CLIC5: variants seen among roughly 807,000 people sequenced by gnomAD.
The protein encoded by CLIC5 is chloride intracellular channel protein 5.
CLIC5 carries 20 observed loss-of-function variants against 24.7 expected under a neutral mutation model. That is an observed-to-expected ratio of 0.81 (90% CI 0.57 to 1.18). CLIC5 has a LOEUF of 1.18. Among genes scored for constraint, CLIC5 ranks in the 50% most tolerant of loss-of-function variants. The probability of loss-of-function intolerance (pLI) is 0.00; values close to 1 mark genes in which losing one functional copy is unlikely to be tolerated. For synonymous variants in CLIC5, 159 were observed against 135.6 expected, an observed-to-expected ratio of 1.17 and a Z score of -1.20; for missense variants, 341 against 326.1, an observed-to-expected ratio of 1.05 and a Z score of -0.35.
At chr6:45,898,039 T>C (rs1475071757), downstream of CLIC5, among the ~76,000 whole-genome samples, 5 of 152,286 alleles carry the variant, frequency 3.3e-5, no homozygotes, top group Non-Finnish European at 5.9e-5. Context: ...TTCTTCTTCC[T>C]CTTTTCCATT....
rs1279631129 is a variant in CLIC5 at position 45,898,736 on chromosome 6, C to G, written c.*4352G>C. On this transcript the variant is annotated 3_prime_UTR_variant, in exon 6 of 6. Transcript: ENST00000339561. ...ATCTTTTGTTAAGCTAGTTAACTCC[C>G]CAGCTTATAAAATAGGACAACGAGG... 2 of 152,516 alleles carry G rather than the reference C, an allele frequency of 1.3e-5. No homozygotes were observed. Among genetic ancestry groups the G allele is most frequent in the South Asian group, 2.1e-4 (1 of 4,818 alleles). 9.4% of individuals were successfully genotyped at this position (152,516 alleles called of 1,614,324 possible). A position where few individuals can be genotyped will look rare whatever the true frequency, so the allele number is the denominator to read the frequency against.
In CLIC5 at chr6:46,063,690, G is replaced by T. The variant is rs145625755; in HGVS notation, c.540+16013C>A. ...AGATGCATAAAAGAAGCAATCCCAGGATCTTACACAGGGCTGGTAATAATT... is the reference window on the plus strand; with the variant it reads ...AGATGCATAAAAGAAGCAATCCCAGTATCTTACACAGGGCTGGTAATAATT... On this transcript the variant is annotated intron_variant, in intron 1 of 5. Transcript: ENST00000185206. 3.0e-3 allele frequency among the ~76,000 whole-genome samples: 453 copies of T among 152,254 alleles called. 1 individual carries two copies. The highest frequency in any genetic ancestry group is 5.2e-3 in the Non-Finnish European group (357 of 68,020).
At chr6:46,048,796 G>C (rs2127464129) in intron 1 of CLIC5, among the ~76,000 whole-genome samples, 1 of 152,246 alleles carries the variant, frequency 6.6e-6, no homozygotes, top group Non-Finnish European at 1.5e-5. Flanking sequence ...GGGGAAGAAT[G>C]GGGGCCAAGA....
At chr6:45,978,948 T>TAAA (rs10542352) in intron 1 of CLIC5, among the ~76,000 whole-genome samples, 10 of 145,014 alleles carry the variant, frequency 6.9e-5, no homozygotes, top group South Asian at 6.6e-4. Context: ...AAAACTCCAT[T>TAAA]AAAAAAAAAA....
Position 45,990,499 on chromosome 6 carries a change from A to G in CLIC5, c.63+24981T>C, listed in dbSNP as rs973506019. 2.0e-5 allele frequency among the ~76,000 whole-genome samples: 3 copies of G among 152,210 alleles called. No homozygotes were observed. The South Asian group carries it at 6.2e-4, about 32-fold the overall frequency. On this transcript the variant is annotated intron_variant, in intron 1 of 5. Transcript: ENST00000339561. ...ATGGTGGGTTTCACATCTCACTCCC[A>G]TCAACCATAAATGTGTAGCATCACA...
chr6:46,069,963 G>A (rs1406746504), intron 1 of CLIC5, among the ~76,000 whole-genome samples: 4 of 151,868 alleles, frequency 2.6e-5, no homozygotes, highest in Admixed American at 1.3e-4. Flanking sequence ...CAGAACTAAA[G>A]ACAAAAAAAC....
At chr6:45,963,436 C>T (rs1318203600) in intron 1 of CLIC5, among the ~76,000 whole-genome samples, 2 of 152,140 alleles carry the variant, frequency 1.3e-5, no homozygotes, top group African/African-American at 2.4e-5. Context: ...TTTCATTTGG[C>T]AGTAGGCACT....
chr6:46,051,983 T>C (rs942303468), intron 1 of CLIC5, among the ~76,000 whole-genome samples: 5 of 152,204 alleles, frequency 3.3e-5, no homozygotes, highest in African/African-American at 1.2e-4. Flanking sequence ...ACCCATTGAC[T>C]CAGCCTCCTT....
chr6:45,916,132 C>T (rs150336183), intron 4 of CLIC5, among the ~76,000 whole-genome samples: 11 of 152,168 alleles, frequency 7.2e-5, no homozygotes, highest in Admixed American at 3.9e-4. Flanking sequence ...AAGACACCAG[C>T]CCAAGATAAA....
chr6:45,912,255 C>T (rs1167230638), intron 5 of CLIC5: 1 of 990,372 alleles, frequency 1.0e-6, no homozygotes, highest in African/African-American at 1.7e-5. Context: ...CAGCAGAAAT[C>T]CAAAGAGATA....
intron 1 of CLIC5, among the ~76,000 whole-genome samples, chr6:46,008,110 T>C (rs549072029): frequency 2.0e-5 from 3 of 152,246 alleles, no homozygotes; most frequent in South Asian, 2.1e-4. Context: ...CAATCTCCTA[T>C]TGTGTGTAGA....
At chr6:45,987,678 G>A (rs759693972) in intron 1 of CLIC5, among the ~76,000 whole-genome samples, 4 of 152,164 alleles carry the variant, frequency 2.6e-5, no homozygotes, top group Non-Finnish European at 5.9e-5. Flanking sequence ...CTTCTTCCTG[G>A]TGTGCAGATG....
intron 1 of CLIC5, among the ~76,000 whole-genome samples, chr6:46,066,489 C>G (rs901084330): frequency 3.3e-5 from 5 of 152,052 alleles, no homozygotes; most frequent in African/African-American, 1.2e-4. Flanking sequence ...ACCAAATTTC[C>G]CAGAACACAC....
chr6:46,128,994 G>T, the CLIC5 span, among the ~76,000 whole-genome samples: 1 of 152,172 alleles, frequency 6.6e-6, no homozygotes, highest in Non-Finnish European at 1.5e-5. Context: ...TGTTATCTAA[G>T]GTCCAGTACT....
At chr6:45,946,492 CT>C (rs1191971169) in intron 3 of CLIC5, among the ~76,000 whole-genome samples, 1 of 152,192 alleles carries the variant, frequency 6.6e-6, no homozygotes, top group Non-Finnish European at 1.5e-5. Context: ...AATGTGTTGG[CT>C]TTTGGCAGCT....
chr6:45,917,337 T>C (rs2127319318), intron 4 of CLIC5, among the ~76,000 whole-genome samples: 2 of 152,312 alleles, frequency 1.3e-5, no homozygotes, highest in East Asian at 3.9e-4. Context: ...CATCAATTAA[T>C]GGTAGTTGTT....
the CLIC5 span, among the ~76,000 whole-genome samples, chr6:46,128,249 C>G: frequency 6.6e-6 from 1 of 152,194 alleles, no homozygotes; most frequent in Admixed American, 6.5e-5. Context: ...CCCAGCCACA[C>G]AGGCAGTAGC....
At position 45,955,214 on chromosome 6, in the gene CLIC5, AG is replaced by A; in HGVS notation, c.93del (p.Cys32ValfsTer9). Reference protein sequence around the residue: ...KAGIDGESIGNCPFSQRLFMI... With the variant: ...KAGIDGESIGXCPFSQRLFMI... ...ATGAAGAGGCGCTGAGAGAAAGGAC[AG>A]TTGCCGATGCTTTCTCCATCGATTC... On this transcript the variant is annotated frameshift_variant, in exon 2 of 6. Transcript: ENST00000339561. LOFTEE classifies it high-confidence loss of function. The A allele has an allele frequency of 6.2e-7, 1 of 1,613,960 alleles. No individual in the cohort carries two copies. Among genetic ancestry groups the A allele is most frequent in the East Asian group, 2.2e-5 (1 of 44,882 alleles).
chr6:45,952,074 G>A (rs1764489502), intron 2 of CLIC5, among the ~76,000 whole-genome samples: 1 of 152,202 alleles, frequency 6.6e-6, no homozygotes. Context: ...AGCAACGTGT[G>A]TGCTCTCAGT....
Sources: allele counts gnomAD v4.1 joint callset (sites outside exome capture counted in the v4.1 genomes callset), GRCh38; gene constraint gnomAD v4.1.1; transcripts MANE v1.5; gene names NCBI Gene and HGNC (gene_info 2026-07-23, HGNC 2026-07-21).